HIVEP2: variants seen among roughly 807,000 people sequenced by gnomAD.
The protein encoded by HIVEP2 is transcription factor HIVEP2.
HIVEP2 carries 14 observed loss-of-function variants against 180.7 expected under a neutral mutation model. The ratio of observed to expected loss-of-function variants is 0.08; its 90% CI spans 0.05 to 0.12. The LOEUF (loss-of-function observed/expected upper bound fraction) is 0.12. Ranked by LOEUF, HIVEP2 falls within the 10% of genes least tolerant of loss-of-function variation. The pLI, the probability that HIVEP2 is intolerant of heterozygous loss-of-function variation, is 1.00. For missense variants in HIVEP2, 2,579 were observed against 3,008.5 expected, an observed-to-expected ratio of 0.86 and a Z score of 3.34; for synonymous variants, 1,184 against 1,136.4, an observed-to-expected ratio of 1.04 and a Z score of -0.84.
intron 1 of HIVEP2, among the ~76,000 whole-genome samples, chr6:142,867,993 C>T (rs1776183074): frequency 6.6e-6 from 1 of 152,136 alleles, no homozygotes; most frequent in African/African-American, 2.4e-5. Flanking sequence ...TATATACTGT[C>T]ATTTTATACC....
chr6:142,916,175 C>T (rs755356756), intron 1 of HIVEP2, among the ~76,000 whole-genome samples: 5 of 152,204 alleles, frequency 3.3e-5, no homozygotes, highest in Non-Finnish European at 7.3e-5. Flanking sequence ...TAGTCATCTA[C>T]TCCCTGGTTT....
chr6:142,864,501 A>G lies in HIVEP2; in HGVS notation c.-640-27454T>C, dbSNP rs1776086285. ...CAGCTTTTGTGACTTAGCGAAAAAT[A>G]ATAAATATTAATATGAAAACTGTTT... On this transcript the variant is annotated intron_variant, in intron 1 of 9. Transcript: ENST00000367603. Among the ~76,000 whole-genome samples the G allele has an allele frequency of 3.3e-5, 5 of 152,334 alleles. No individual in the cohort carries two copies. The South Asian group carries it at 1.0e-3, about 32-fold the overall frequency.
At chr6:142,765,548 G>A (rs1265847177) in intron 6 of HIVEP2, among the ~76,000 whole-genome samples, 1 of 152,200 alleles carries the variant, frequency 6.6e-6, no homozygotes, top group Non-Finnish European at 1.5e-5. Context: ...CTCACCAACT[G>A]TTGTCTACAG....
intron 1 of HIVEP2, among the ~76,000 whole-genome samples, chr6:142,883,248 A>C (rs958432758): frequency 2.6e-5 from 4 of 152,084 alleles, no homozygotes; most frequent in Non-Finnish European, 5.9e-5. Context: ...AGTTACAAAA[A>C]TACCAAAGCA....
chr6:142,811,712 C>CTGAG (rs1336545166), intron 2 of HIVEP2, among the ~76,000 whole-genome samples: 1 of 152,176 alleles, frequency 6.6e-6, no homozygotes, highest in Non-Finnish European at 1.5e-5. Flanking sequence ...TTTCACAGAC[C>CTGAG]TCACCCCCCA....
At chr6:142,879,354 C>T (rs972428270) in intron 1 of HIVEP2, among the ~76,000 whole-genome samples, 1 of 152,152 alleles carries the variant, frequency 6.6e-6, no homozygotes, top group Non-Finnish European at 1.5e-5. Context: ...GTGGCACTTA[C>T]ACTATCCAGC....
At chr6:142,810,834 T>C (rs1776679848) in intron 2 of HIVEP2, among the ~76,000 whole-genome samples, 1 of 150,396 alleles carries the variant, frequency 6.6e-6, no homozygotes, top group Non-Finnish European at 1.5e-5. Context: ...GAGGTAAGGC[T>C]ATAGGATCTG....
intron 1 of HIVEP2, among the ~76,000 whole-genome samples, chr6:142,882,114 T>G (rs1404724279): frequency 6.6e-6 from 1 of 152,206 alleles, no homozygotes; most frequent in Non-Finnish European, 1.5e-5. Context: ...CAAGCTCCAG[T>G]GAGCAGAGCT....
At chr6:142,881,916 G>A (rs1228674999) in intron 1 of HIVEP2, among the ~76,000 whole-genome samples, 1 of 152,180 alleles carries the variant, frequency 6.6e-6, no homozygotes, top group African/African-American at 2.4e-5. Flanking sequence ...ATCAGTTACT[G>A]ATGGCCACTG....
chr6:142,812,564 A>C (rs1776726532), intron 2 of HIVEP2, among the ~76,000 whole-genome samples: 1 of 152,228 alleles, frequency 6.6e-6, no homozygotes, highest in African/African-American at 2.4e-5. Context: ...CTAGTAGCCA[A>C]TAAGGTAAAA....
intron 1 of HIVEP2, among the ~76,000 whole-genome samples, chr6:142,858,021 G>A (rs1350152335): frequency 6.6e-6 from 1 of 152,184 alleles, no homozygotes; most frequent in Non-Finnish European, 1.5e-5. Context: ...AGCTGACCTA[G>A]GGCGACAGGT....
chr6:142,816,489 G>A (rs750333081), intron 2 of HIVEP2, among the ~76,000 whole-genome samples: 1 of 151,938 alleles, frequency 6.6e-6, no homozygotes, highest in East Asian at 1.9e-4. Flanking sequence ...TATTAGCACC[G>A]CTAAGAATCC....
chr6:142,806,507 T>C (rs900915100), intron 2 of HIVEP2, among the ~76,000 whole-genome samples: 3 of 152,332 alleles, frequency 2.0e-5, no homozygotes, highest in African/African-American at 7.2e-5. Flanking sequence ...ATTCAAAACC[T>C]AAGATCACTA....
chr6:142,915,792 A>G (rs562276121), intron 1 of HIVEP2, among the ~76,000 whole-genome samples: 3 of 152,100 alleles, frequency 2.0e-5, no homozygotes, highest in Admixed American at 6.6e-5. Flanking sequence ...CACCATCTAT[A>G]CATTAAGGAC....
chr6:142,918,227 A>G (rs886079192), intron 1 of HIVEP2, among the ~76,000 whole-genome samples: 11 of 147,948 alleles, frequency 7.4e-5, no homozygotes, highest in African/African-American at 2.5e-4. Flanking sequence ...TTATTTATCA[A>G]TAGAGACCGG....
rs777874864 is a variant in HIVEP2, at chr6:142,774,689, C to G, written c.50G>C (p.Gly17Ala). 2 of 1,614,066 alleles carry G rather than the reference C, an allele frequency of 1.2e-6. No homozygotes were observed. Among genetic ancestry groups the G allele is most frequent in the African/African-American group, 1.3e-5 (1 of 74,942 alleles). Residue 17 changes from glycine to alanine, a missense_variant, in exon 5 of 10, where the codon GGA (glycine) becomes GCA (alanine). Physicochemically the swap from Gly to Ala is moderately conservative, Grantham distance 60. This residue lies in a region of HIVEP2 where 207 missense variants were observed against 210.1 expected (regional missense o/e 0.99). Coordinates refer to ENST00000367603, the MANE Select transcript of HIVEP2 (RefSeq NM_006734.4). The surrounding 1 kb of genome is among the most constrained non-coding windows in gnomAD (Gnocchi z 5.1). ...ALGQKATSRSGETDKASGRWR... is the reference protein window; with the variant it reads ...ALGQKATSRSAETDKASGRWR... Reference sequence around the variant, plus strand: ...TCTACCTGATGCTTTATCAGTTTCTCCAGACCTTGAGGTAGCTTTTTGTCC... The same window carrying G: ...TCTACCTGATGCTTTATCAGTTTCTGCAGACCTTGAGGTAGCTTTTTGTCC...
In HIVEP2 at chr6:142,760,317, C is replaced by T; in HGVS notation, c.5971G>A (p.Glu1991Lys). 1 of 1,614,142 alleles carries T rather than the reference C, an allele frequency of 6.2e-7. No individual in the cohort carries two copies. The highest frequency in any genetic ancestry group is 8.5e-7 in the Non-Finnish European group (1 of 1,179,996). ...TGGTATTCTGTCATCTGGGTATCTTCACATGAATCACTGGGTGTCATAAGC... is the reference window on the plus strand; with the variant it reads ...TGGTATTCTGTCATCTGGGTATCTTTACATGAATCACTGGGTGTCATAAGC... ...TQLMTPSDSC[E>K]DTQMTEYQRL... Residue 1991 changes from glutamate to lysine, a missense_variant, in exon 9 of 10, where the codon GAA (glutamate) becomes AAA (lysine). Around this residue, in one of 11 missense-constraint regions of HIVEP2, gnomAD observed 660 missense variants for 731.7 expected, o/e 0.90. Coordinates refer to ENST00000367603, the MANE Select transcript of HIVEP2 (RefSeq NM_006734.4).
At chr6:142,899,306 G>A (rs530632639) in intron 1 of HIVEP2, among the ~76,000 whole-genome samples, 1 of 152,326 alleles carries the variant, frequency 6.6e-6, no homozygotes, top group Non-Finnish European at 1.5e-5. Flanking sequence ...GCAAGAGGCA[G>A]CTCAAGCACT....
chr6:142,771,361 C>T lies in HIVEP2; in HGVS notation c.3378G>A (p.Val1126=). 1 of 1,612,880 alleles carries T rather than the reference C, an allele frequency of 6.2e-7. No individual in the cohort carries two copies. The highest frequency in any genetic ancestry group is 8.5e-7 in the Non-Finnish European group (1 of 1,179,954). ...RSGWHHGPPA[V]LPPLQQEDPG... ...GGTCCTCTTGCTGAAGAGGAGGCAGCACAGCAGGCGGGCCATGGTGCCACC... is the reference window on the plus strand; with the variant it reads ...GGTCCTCTTGCTGAAGAGGAGGCAGTACAGCAGGCGGGCCATGGTGCCACC... Residue 1126 remains valine, a synonymous_variant, in exon 5 of 10, where the codon GTG becomes GTA. Coordinates refer to ENST00000367603, the MANE Select transcript of HIVEP2 (RefSeq NM_006734.4). This position sits in a 1 kb window ranked among gnomAD's most constrained non-coding sequence, Gnocchi z 5.4.
Sources: gnomAD v4.1 joint callset for allele counts (sites outside exome capture counted in the v4.1 genomes callset) on GRCh38, gnomAD v4.1.1 for gene constraint, gnomAD v4.1.1 regional missense constraint, Gnocchi (gnomAD v3.1) non-coding constraint, MANE v1.5 for transcripts, NCBI Gene and HGNC (gene_info 2026-07-23, HGNC 2026-07-21) for gene names.